The following EDIL3 variants were observed in gnomAD, a reference collection of about 807,000 sequenced individuals.
EDIL3 encodes the protein EGF like and discoidin domains 3, also known as EGF-like repeat and discoidin I-like domain-containing protein 3.
A neutral mutation model predicts 67.4 loss-of-function variants in EDIL3; 37 were observed. The observed-to-expected ratio is 0.55, with a 90% CI of 0.42 to 0.72. The LOEUF (loss-of-function observed/expected upper bound fraction) is 0.72. EDIL3 is among the 30% of genes least tolerant of loss of function. The probability of loss-of-function intolerance (pLI) is 0.00; values close to 1 mark genes in which losing one functional copy is unlikely to be tolerated. For synonymous variants in EDIL3, 195 were observed against 196.3 expected, an observed-to-expected ratio of 0.99 and a Z score of 0.05; for missense variants, 527 against 586.3, an observed-to-expected ratio of 0.90 and a Z score of 1.04.
At chr5:84,338,169 C>T (rs1478112639) in intron 1 of EDIL3, among the ~76,000 whole-genome samples, 1 of 152,038 alleles carries the variant, frequency 6.6e-6, no homozygotes, top group African/African-American at 2.4e-5. Context: ...TAACCAACCA[C>T]CACTGGAAAT....
chr5:84,209,218 A>C (rs1216136674), intron 3 of EDIL3, among the ~76,000 whole-genome samples: 5 of 150,278 alleles, frequency 3.3e-5, no homozygotes, highest in African/African-American at 5.0e-5. Flanking sequence ...CACTCTGGGG[A>C]CTGTTGTGGG....
intron 4 of EDIL3, among the ~76,000 whole-genome samples, chr5:84,159,233 T>C (rs945614777): frequency 5.9e-5 from 9 of 152,144 alleles, no homozygotes; most frequent in African/African-American, 1.4e-4. Context: ...AGTACATTTA[T>C]GAGTTAATCC....
At chr5:84,303,004 T>A (rs954681084) in intron 1 of EDIL3, among the ~76,000 whole-genome samples, 1 of 152,228 alleles carries the variant, frequency 6.6e-6, no homozygotes, top group Admixed American at 6.5e-5. Context: ...CTAAAGAGAA[T>A]CATTCCACCT....
At chr5:84,159,077 C>T (rs1250422734) in intron 4 of EDIL3, among the ~76,000 whole-genome samples, 1 of 152,012 alleles carries the variant, frequency 6.6e-6, no homozygotes, top group East Asian at 1.9e-4. Flanking sequence ...ATCCCCATTG[C>T]CAGTACATAC....
At chr5:84,052,556 G>A (rs1318996507) in intron 9 of EDIL3, among the ~76,000 whole-genome samples, 1 of 152,070 alleles carries the variant, frequency 6.6e-6, no homozygotes, top group African/African-American at 2.4e-5. Flanking sequence ...GCTGTATTCA[G>A]GAAACCCATC....
chr5:83,970,252 CTAATTA>C (rs1744767219), intron 9 of EDIL3, among the ~76,000 whole-genome samples: 1 of 53,630 alleles, frequency 1.9e-5, no homozygotes. Flanking sequence ...TTCAGTGTCA[CTAATTA>C]TATATATATA....
At chr5:83,982,822 A>G (rs933158504) in intron 9 of EDIL3, among the ~76,000 whole-genome samples, 8 of 152,142 alleles carry the variant, frequency 5.3e-5, no homozygotes, top group Non-Finnish European at 1.2e-4. Context: ...TGTAGGTGAC[A>G]GAATAAAGAT....
At chr5:84,026,659 T>G (rs2112197824) in intron 9 of EDIL3, among the ~76,000 whole-genome samples, 1 of 152,338 alleles carries the variant, frequency 6.6e-6, no homozygotes, top group African/African-American at 2.4e-5. Flanking sequence ...AAGCCAATCT[T>G]ATTTTCACTT....
In EDIL3 at chr5:84,242,135, G is replaced by C. The variant is rs1744808232; in HGVS notation, c.196+11949C>G. ...TAGTCCCAGCTACTCGGGAGGCTGA[G>C]GCAGGAGAATGGCGTGAACCTGGGA... is the stretch of plus-strand genomic sequence containing the variant. On this transcript the variant is annotated intron_variant, in intron 2 of 10. Coordinates refer to ENST00000296591, the MANE Select transcript of EDIL3 (RefSeq NM_005711.5). Among the ~76,000 whole-genome samples the C allele has an allele frequency of 3.3e-5, 5 of 151,728 alleles. No homozygotes were observed. In the South Asian group the frequency reaches 1.0e-3, roughly 32 times the overall value.
In EDIL3 at chr5:84,137,337, C is replaced by T. The variant is rs760891860; in HGVS notation, c.373G>A (p.Val125Ile). 240 of 1,612,956 alleles carry T rather than the reference C, an allele frequency of 1.5e-4. 1 individual carries two copies. The highest frequency in any genetic ancestry group is 1.9e-4 in the Non-Finnish European group (224 of 1,179,708). ...HCQHNINECE[V>I]EPCKNGGICT... is the part of the protein sequence containing the mutation. ...ATTCCACCATTTTTGCAAGGCTCAACTTCGCATTCATTTATGTCTAAGAAA... is the reference window on the plus strand; with the variant it reads ...ATTCCACCATTTTTGCAAGGCTCAATTTCGCATTCATTTATGTCTAAGAAA... Residue 125 changes from valine to isoleucine, a missense_variant, in exon 5 of 11, where the codon GTT (valine) becomes ATT (isoleucine). Physicochemically the swap from Val to Ile is conservative, Grantham distance 29. This residue lies in a region of EDIL3 where 494 missense variants were observed against 522.5 expected (regional missense o/e 0.95). Coordinates refer to ENST00000296591, the MANE Select transcript of EDIL3 (RefSeq NM_005711.5).
intron 2 of EDIL3, among the ~76,000 whole-genome samples, chr5:84,232,665 C>G (rs1315889205): frequency 6.6e-6 from 1 of 152,162 alleles, no homozygotes; most frequent in East Asian, 1.9e-4. Context: ...AAAGATTTCT[C>G]TATGTAACAT....
At chr5:84,309,487 T>C (rs1746342217) in intron 1 of EDIL3, among the ~76,000 whole-genome samples, 1 of 151,808 alleles carries the variant, frequency 6.6e-6, no homozygotes, top group South Asian at 2.1e-4. Context: ...TGCTATCCCT[T>C]CCCCCGTCCC....
At chr5:84,276,435 C>A (rs1424716393) in intron 1 of EDIL3, among the ~76,000 whole-genome samples, 7 of 152,204 alleles carry the variant, frequency 4.6e-5, no homozygotes, top group Non-Finnish European at 7.3e-5. Context: ...AGTACTTAAT[C>A]TCTAACTATT....
At position 83,980,676 on chromosome 5, in the gene EDIL3, A is replaced by AATAT. The variant is rs113580835; in HGVS notation, c.1138-17320_1138-17317dup. Among the ~76,000 whole-genome samples, 374 of 141,040 alleles carry AATAT rather than the reference A, an allele frequency of 2.7e-3. 1 individual carries two copies. The highest frequency in any genetic ancestry group is 0.01 in the East Asian group (50 of 4,854). 92.5% of individuals were successfully genotyped at this position (141,040 alleles called of 152,430 possible). A position where few individuals can be genotyped will look rare whatever the true frequency, so the allele number is the denominator to read the frequency against. On this transcript the variant is annotated intron_variant, in intron 9 of 10. Transcript: ENST00000296591. ...GCACTGAAGCCTGGTGAAAGATTGA[A>AATAT]ATATATATATATATATATATATTTA... is the stretch of plus-strand genomic sequence containing the variant.
intron 1 of EDIL3, among the ~76,000 whole-genome samples, chr5:84,329,118 A>C (rs952193387): frequency 1.3e-5 from 2 of 152,088 alleles, no homozygotes; most frequent in Non-Finnish European, 2.9e-5. Flanking sequence ...GAGAACAAAA[A>C]ATTGTTATTT....
At chr5:84,244,995 C>A (rs980406827) in intron 2 of EDIL3, among the ~76,000 whole-genome samples, 1 of 152,212 alleles carries the variant, frequency 6.6e-6, no homozygotes, top group Non-Finnish European at 1.5e-5. Context: ...TTTCATGAAA[C>A]CCAGTCCTTG....
At chr5:84,043,485 C>T (rs1297743436) in intron 9 of EDIL3, among the ~76,000 whole-genome samples, 2 of 152,126 alleles carry the variant, frequency 1.3e-5, no homozygotes, top group African/African-American at 4.8e-5. Context: ...TTTGCGGATA[C>T]ACATATGTTG....
intron 1 of EDIL3, among the ~76,000 whole-genome samples, chr5:84,264,983 A>T (rs2112089097): frequency 6.6e-6 from 1 of 152,288 alleles, no homozygotes; most frequent in Middle Eastern, 3.4e-3. Context: ...TATAAAAATA[A>T]CCTCCAAGGA....
intron 9 of EDIL3, among the ~76,000 whole-genome samples, chr5:84,014,200 C>T (rs1175084160): frequency 3.3e-5 from 5 of 152,182 alleles, no homozygotes; most frequent in Non-Finnish European, 5.9e-5. Flanking sequence ...TCACATACCG[C>T]TGATTCTGGC....
Sources: allele counts gnomAD v4.1 joint callset (sites outside exome capture counted in the v4.1 genomes callset), GRCh38; gene constraint gnomAD v4.1.1; regional missense constraint gnomAD v4.1.1; transcripts MANE v1.5; gene names NCBI Gene and HGNC (gene_info 2026-07-23, HGNC 2026-07-21).